UBAC2: variants seen among roughly 807,000 people sequenced by gnomAD.
UBAC2 encodes the protein UBA domain containing 2.
Under a neutral mutation model 44.0 loss-of-function variants are expected in UBAC2, and 26 were observed. The observed-to-expected ratio is 0.59, with a 90% confidence interval of 0.43 to 0.82. UBAC2 has a LOEUF of 0.82. UBAC2 is among the 40% of genes least tolerant of loss of function. The probability of loss-of-function intolerance (pLI) is 0.00; values close to 1 mark genes in which losing one functional copy is unlikely to be tolerated. For synonymous variants in UBAC2, 155 were observed against 154.3 expected, an observed-to-expected ratio of 1.00 and a Z score of -0.04; for missense variants, 329 against 419.4, an observed-to-expected ratio of 0.78 and a Z score of 1.88.
chr13:99,224,794 G>A (rs1187068617), intron 1 of UBAC2, among the ~76,000 whole-genome samples: 3 of 152,186 alleles, frequency 2.0e-5, no homozygotes, highest in Non-Finnish European at 4.4e-5. Context: ...ACACTTAAAT[G>A]TGCATTGTTA....
chr13:99,298,205 CAG>C (rs1318312288), intron 4 of UBAC2, among the ~76,000 whole-genome samples: 1 of 152,074 alleles, frequency 6.6e-6, no homozygotes, highest in African/African-American at 2.4e-5. Flanking sequence ...TAAAAGCTAA[CAG>C]AACTTGTACT....
In UBAC2 at chr13:99,326,780, C is replaced by G. The variant is rs527271278; in HGVS notation, c.561+8711C>G. On this transcript the variant is annotated intron_variant, in intron 6 of 8. Coordinates refer to ENST00000403766, the MANE Select transcript of UBAC2 (RefSeq NM_001144072.2). ...ACCTTACACTGCACATCTCAAGGCT[C>G]TCATCCATGTCTCTTCCAGCCACGA... 3.3e-5 allele frequency among the ~76,000 whole-genome samples: 5 copies of G among 152,292 alleles called. No homozygotes were observed. The South Asian group carries it at 1.0e-3, about 32-fold the overall frequency.
chr13:99,229,662 C>T (rs2043150790), intron 1 of UBAC2, among the ~76,000 whole-genome samples: 1 of 152,162 alleles, frequency 6.6e-6, no homozygotes, highest in South Asian at 2.1e-4. Flanking sequence ...AATGACCGTG[C>T]AAGTTGAAAC....
chr13:99,333,744 G>A (rs770544591), intron 6 of UBAC2, among the ~76,000 whole-genome samples: 6 of 152,098 alleles, frequency 3.9e-5, no homozygotes, highest in Non-Finnish European at 7.4e-5. Flanking sequence ...ACATAGTTTT[G>A]TGAGTGTATA....
At chr13:99,257,633 T>C (rs2043588088) in intron 4 of UBAC2, among the ~76,000 whole-genome samples, 1 of 152,234 alleles carries the variant, frequency 6.6e-6, no homozygotes, top group African/African-American at 2.4e-5. Context: ...TGGATAAATA[T>C]TGAAAAGTGA....
At chr13:99,378,762 C>T (rs971111023) in intron 8 of UBAC2, among the ~76,000 whole-genome samples, 1 of 152,224 alleles carries the variant, frequency 6.6e-6, no homozygotes, top group African/African-American at 2.4e-5. Context: ...GCATTGGCAA[C>T]AGCATGTGTG....
At chr13:99,228,814 C>T (rs938569620) in intron 1 of UBAC2, among the ~76,000 whole-genome samples, 3 of 152,164 alleles carry the variant, frequency 2.0e-5, no homozygotes, top group African/African-American at 4.8e-5. Flanking sequence ...GCATTTTGGT[C>T]ATGAAGAAAG....
intron 2 of UBAC2, among the ~76,000 whole-genome samples, chr13:99,239,580 C>T (rs911861367): frequency 5.9e-5 from 9 of 152,162 alleles, no homozygotes; most frequent in African/African-American, 2.2e-4. Context: ...TGTAAGGGCC[C>T]CCGGGCCTTG....
intron 1 of UBAC2, among the ~76,000 whole-genome samples, chr13:99,206,969 C>G (rs995003977): frequency 1.3e-5 from 2 of 152,262 alleles, no homozygotes; most frequent in East Asian, 1.9e-4. Context: ...ATGAAGCAGC[C>G]TTCTCCTGAG....
At chr13:99,204,913 T>C (rs1483263286) in intron 1 of UBAC2, among the ~76,000 whole-genome samples, 1 of 145,932 alleles carries the variant, frequency 6.9e-6, no homozygotes, top group African/African-American at 2.5e-5. Context: ...TTTTTTTTTT[T>C]TTTTTTTTTG....
intron 1 of UBAC2, among the ~76,000 whole-genome samples, chr13:99,227,766 A>G (rs548901221): frequency 6.6e-5 from 10 of 152,342 alleles, no homozygotes; most frequent in African/African-American, 2.4e-4. Flanking sequence ...AGAATAATGC[A>G]TGGTACAGCG....
chr13:99,347,689 C>G (rs561045340), intron 7 of UBAC2, among the ~76,000 whole-genome samples: 3 of 151,492 alleles, frequency 2.0e-5, no homozygotes, highest in Non-Finnish European at 2.9e-5. Context: ...GACATGAGAC[C>G]TAGGTGCTGA....
At chr13:99,201,130 G>A in intron 1 of UBAC2, 191 bp downstream of exon 1, 1 of 1,352,460 alleles carries the variant, frequency 7.4e-7, no homozygotes, top group Non-Finnish European at 9.6e-7. Context: ...CGGCCTGGAG[G>A]GGCGAATGGG....
chr13:99,328,730 T>G (rs2044674037), intron 6 of UBAC2, among the ~76,000 whole-genome samples: 1 of 152,250 alleles, frequency 6.6e-6, no homozygotes, highest in Non-Finnish European at 1.5e-5. Flanking sequence ...TTATATATTC[T>G]AGATATAAGC....
chr13:99,281,389 A>G (rs9517670), intron 4 of UBAC2, among the ~76,000 whole-genome samples: 13,079 of 152,118 alleles, frequency 0.086, 727 homozygotes, highest in Admixed American at 0.16. Flanking sequence ...TCCTTTCTCA[A>G]CCAAAAAGTT....
At chr13:99,287,643 C>CT (rs11304203) in intron 4 of UBAC2, among the ~76,000 whole-genome samples, 12,112 of 94,716 alleles carry the variant, frequency 0.13, 775 homozygotes, top group Non-Finnish European at 0.14. Context: ...TTTTTTCTTT[C>CT]TTTTTTTTTT....
chr13:99,305,775 A>T (rs2044323922), intron 4 of UBAC2, among the ~76,000 whole-genome samples: 1 of 152,046 alleles, frequency 6.6e-6, no homozygotes, highest in African/African-American at 2.4e-5. Flanking sequence ...TTGTGGTTTT[A>T]TGTCCAAAAA....
rs1294225771 is a variant in UBAC2, at chr13:99,225,358, CTG to C, written c.32-13066_32-13065del. Among the ~76,000 whole-genome samples the C allele has an allele frequency of 5.3e-5, 8 of 152,292 alleles. No homozygotes were observed. The East Asian group carries it at 1.5e-3, about 29-fold the overall frequency. ...GCAACCACTTTTCTACTTTCTGCCT[CTG>C]TGAATTTTACTACTCTAGGTACTGC... On this transcript the variant is annotated intron_variant, in intron 1 of 8. Coordinates refer to ENST00000403766, the MANE Select transcript of UBAC2 (RefSeq NM_001144072.2).
At chr13:99,255,450 C>T (rs745356452) in intron 4 of UBAC2, 51 of 1,613,898 alleles carry the variant, frequency 3.2e-5, no homozygotes, top group Admixed American at 2.5e-4. Flanking sequence ...CTCCCACACA[C>T]GCCAGCACGG....
Sources: allele counts gnomAD v4.1 joint callset (sites outside exome capture counted in the v4.1 genomes callset), GRCh38; gene constraint gnomAD v4.1.1; transcripts MANE v1.5; gene names NCBI Gene and HGNC (gene_info 2026-07-23, HGNC 2026-07-21).